FBXL13: variants seen among roughly 807,000 people sequenced by gnomAD.
FBXL13 encodes the protein F-box and leucine rich repeat protein 13, also known as F-box and leucine-rich repeat protein 13.
Under a neutral mutation model 83.6 loss-of-function variants are expected in FBXL13, and 67 were observed. That is an observed-to-expected ratio of 0.80 (90% confidence interval 0.66 to 0.98). The LOEUF (loss-of-function observed/expected upper bound fraction) is 0.98, where lower values mean the gene tolerates loss of function less well. Among genes scored for constraint, FBXL13 ranks in the 50% least tolerant of loss-of-function variants. The pLI is 0.00. For missense variants in FBXL13, 822 were observed against 866.5 expected (o/e 0.95, Z 0.64); for synonymous variants, 272 against 299.5 (o/e 0.91, Z 0.95).
chr7:102,947,023 T>C (rs561451126), intron 8 of FBXL13, among the ~76,000 whole-genome samples: 14 of 152,222 alleles, frequency 9.2e-5, no homozygotes, highest in African/African-American at 3.4e-4. Context: ...GGGTCAGAGG[T>C]GGGGACTTAG....
At chr7:102,923,880 AT>A (rs1269852102) in intron 10 of FBXL13, among the ~76,000 whole-genome samples, 2 of 152,120 alleles carry the variant, frequency 1.3e-5, no homozygotes, top group African/African-American at 4.8e-5. Flanking sequence ...ATCACACATG[AT>A]TTGATAAAAA....
intron 8 of FBXL13, among the ~76,000 whole-genome samples, chr7:102,956,707 T>G (rs544196740): frequency 6.6e-6 from 1 of 152,176 alleles, no homozygotes; most frequent in Non-Finnish European, 1.5e-5. Flanking sequence ...AAAATCAATG[T>G]GCAAAAATCA....
chr7:102,926,814 A>T (rs1818229935), intron 9 of FBXL13, among the ~76,000 whole-genome samples: 1 of 152,234 alleles, frequency 6.6e-6, no homozygotes, highest in Non-Finnish European at 1.5e-5. Context: ...AACAGTCCAT[A>T]TTTATACACA....
intron 2 of FBXL13, chr7:103,030,915 T>G (rs1030598298): frequency 5.3e-5 from 8 of 152,192 alleles, no homozygotes; most frequent in African/African-American, 1.9e-4. Context: ...ATTTTTATTT[T>G]AACTTTACAT....
At chr7:102,918,588 A>T (rs1257722797) in intron 10 of FBXL13, among the ~76,000 whole-genome samples, 1 of 152,166 alleles carries the variant, frequency 6.6e-6, no homozygotes, top group Non-Finnish European at 1.5e-5. Context: ...AGCTGAAGCA[A>T]GAGGATTGCC....
intron 16 of FBXL13, among the ~76,000 whole-genome samples, chr7:102,861,533 G>T (rs192713988): frequency 1.3e-5 from 2 of 152,074 alleles, no homozygotes; most frequent in Non-Finnish European, 2.9e-5. Flanking sequence ...GACTACCATA[G>T]ATCTCTTTAT....
chr7:102,967,543 G>T (rs2129480712), intron 7 of FBXL13, among the ~76,000 whole-genome samples: 1 of 152,280 alleles, frequency 6.6e-6, no homozygotes, highest in Middle Eastern at 3.4e-3. Flanking sequence ...AAAGTGCTGG[G>T]ATTACAGGCA....
chr7:102,959,687 TGATA>T (rs1313296943), intron 8 of FBXL13, among the ~76,000 whole-genome samples: 2 of 151,996 alleles, frequency 1.3e-5, no homozygotes, highest in African/African-American at 2.4e-5. Context: ...AATACTTATA[TGATA>T]GATAGAAAAC....
chr7:102,934,356 T>G lies in FBXL13; in HGVS notation c.725-2423A>C, dbSNP rs1291301255. 1.9e-6 allele frequency: 3 copies of G among 1,614,104 alleles called. No individual in the cohort carries two copies. The East Asian group carries it at 6.7e-5, about 36-fold the overall frequency. On this transcript the variant is annotated intron_variant, in intron 8 of 19. Coordinates refer to ENST00000313221, the Ensembl canonical transcript of FBXL13. ...CAGATCAAAGTCTTGACGGAGGAAG[T>G]GTTCATTTACACACCTCTCTTGAGC...
chr7:102,984,935 C>T (rs1828765744), intron 6 of FBXL13, among the ~76,000 whole-genome samples: 2 of 152,176 alleles, frequency 1.3e-5, no homozygotes, highest in Non-Finnish European at 2.9e-5. Flanking sequence ...GACATACTTA[C>T]ACCAAAAAAT....
intron 1 of FBXL13, among the ~76,000 whole-genome samples, chr7:103,060,733 TTATAA>T (rs1298603933): frequency 6.6e-6 from 1 of 152,184 alleles, no homozygotes; most frequent in East Asian, 1.9e-4. Context: ...AATAGTAATA[TTATAA>T]TATAAAAAAT....
At chr7:102,853,358 CA>C (rs1322400992) in intron 17 of FBXL13, among the ~76,000 whole-genome samples, 1 of 152,068 alleles carries the variant, frequency 6.6e-6, no homozygotes, top group Non-Finnish European at 1.5e-5. Flanking sequence ...AATCAGTTTT[CA>C]AAAATCAATT....
At chr7:102,939,939 G>T (rs768874626) in intron 8 of FBXL13, among the ~76,000 whole-genome samples, 1 of 151,894 alleles carries the variant, frequency 6.6e-6, no homozygotes, top group Non-Finnish European at 1.5e-5. Context: ...TTGTTGCCCA[G>T]ACTGGATTGC....
At chr7:102,813,363 G>A (rs147504395) in exon 20 of FBXL13, 96 of 1,613,512 alleles carry the variant, frequency 5.9e-5, no homozygotes, top group Non-Finnish European at 8.1e-5. Context: ...GGTCTTCACT[G>A]CTGTATGTTG....
intron 6 of FBXL13, among the ~76,000 whole-genome samples, chr7:102,975,699 C>T (rs1299652313): frequency 3.9e-5 from 6 of 152,144 alleles, no homozygotes; most frequent in Middle Eastern, 3.2e-3. Flanking sequence ...CAGAAGGAAC[C>T]GATATTTTAA....
intron 18 of FBXL13, among the ~76,000 whole-genome samples, chr7:102,826,805 T>C: frequency 7.2e-6 from 1 of 138,466 alleles, no homozygotes; most frequent in East Asian, 2.0e-4. Flanking sequence ...AATATATATC[T>C]AATAAATGTA....
chr7:102,942,331 AT>A, intron 8 of FBXL13: 1 of 1,592,038 alleles, frequency 6.3e-7, no homozygotes, highest in Non-Finnish European at 8.5e-7. Flanking sequence ...TACGTGAATG[AT>A]TTTTGCTGTG....
intron 6 of FBXL13, among the ~76,000 whole-genome samples, chr7:102,980,386 G>A (rs1440137608): frequency 6.6e-6 from 1 of 152,206 alleles, no homozygotes; most frequent in Non-Finnish European, 1.5e-5. Flanking sequence ...ATGGGACTGG[G>A]ACAACTGGGT....
Position 103,015,454 on chromosome 7 carries a change from C to T in FBXL13, c.495+9609G>A, listed in dbSNP as rs571066862. On this transcript the variant is annotated intron_variant, in intron 6 of 19. Transcript: ENST00000313221. ...CCTAGAAAACCCCACAGTCTCTGCC[C>T]AAAAGTTCTTTGATCTGACAAACAA... Among the ~76,000 whole-genome samples, 5 of 152,232 alleles carry T rather than the reference C, an allele frequency of 3.3e-5. No individual in the cohort carries two copies. In the South Asian group the frequency reaches 1.0e-3, roughly 32 times the overall value.
Sources: gnomAD v4.1 joint callset for allele counts (sites outside exome capture counted in the v4.1 genomes callset) on GRCh38, gnomAD v4.1.1 for gene constraint, MANE v1.5 for transcripts, NCBI Gene and HGNC (gene_info 2026-07-23, HGNC 2026-07-21) for gene names.